Variants in FLT1 observed in about 807,000 individuals in gnomAD.
FLT1 encodes the protein vascular endothelial growth factor receptor 1.
FLT1 carries 49 observed loss-of-function variants against 156.3 expected under a neutral mutation model. The observed-to-expected ratio is 0.31, with a 90% confidence interval of 0.25 to 0.40. The LOEUF (loss-of-function observed/expected upper bound fraction) is 0.40. FLT1 is among the 10% of genes least tolerant of loss of function. FLT1 has a pLI of 1.00. For synonymous variants in FLT1, 594 were observed against 583.8 expected, an observed-to-expected ratio of 1.02 and a Z score of -0.25; for missense variants, 1,322 against 1,637.2, an observed-to-expected ratio of 0.81 and a Z score of 3.32.
chr13:28,322,713 A>G lies in FLT1; in HGVS notation c.2953+77T>C. On this transcript the variant is annotated intron_variant, in intron 21 of 29. Transcript: ENST00000282397. The surrounding 1 kb of genome is among the most constrained non-coding windows in gnomAD (Gnocchi z 4.3). ...ACGGATGTTTATTAGAGTGATAAATAAGAAAAAAATTTCAGAGATGCATAG... is the reference window on the plus strand; with the variant it reads ...ACGGATGTTTATTAGAGTGATAAATGAGAAAAAAATTTCAGAGATGCATAG... 1 of 1,393,302 alleles carries G rather than the reference A, an allele frequency of 7.2e-7. No homozygotes were observed. The highest frequency in any genetic ancestry group is 1.0e-6 in the Non-Finnish European group (1 of 983,128). 86.3% of individuals were successfully genotyped at this position (1,393,302 alleles called of 1,614,324 possible). A position where few individuals can be genotyped will look rare whatever the true frequency, so the allele number is the denominator to read the frequency against.
At chr13:28,382,476 GTGTGTTAGGGTTGAAGAGT>G (rs1565994914) in intron 14 of FLT1, among the ~76,000 whole-genome samples, 3 of 152,226 alleles carry the variant, frequency 2.0e-5, no homozygotes. Flanking sequence ...CTTCATCGAA[GTGTGTTAGGGTTGAAGAGT>G]TGGAGCCGGT....
intron 14 of FLT1, chr13:28,368,612 G>T: frequency 7.1e-7 from 1 of 1,417,964 alleles, no homozygotes. Context: ...TGATGATGAT[G>T]ATGACAATGG....
chr13:28,338,438 C>T (rs1013066129), intron 17 of FLT1, among the ~76,000 whole-genome samples: 3 of 152,176 alleles, frequency 2.0e-5, no homozygotes, highest in Admixed American at 6.5e-5. Flanking sequence ...TGTTTTGTAG[C>T]ACCAGAGGCT....
intron 25 of FLT1, among the ~76,000 whole-genome samples, chr13:28,314,952 A>G (rs9513073): frequency 0.13 from 20,098 of 152,212 alleles, 1,507 homozygotes; most frequent in Middle Eastern, 0.19. Flanking sequence ...TTTGGTCCAA[A>G]GCTGATGTGA....
chr13:28,493,460 T>TA lies in FLT1; in HGVS notation c.64+1319dup, dbSNP rs778897037. Among the ~76,000 whole-genome samples the TA allele has an allele frequency of 1.6e-4, 24 of 152,366 alleles. No individual in the cohort carries two copies. In the East Asian group the frequency reaches 2.7e-3, roughly 17 times the overall value. On this transcript the variant is annotated intron_variant, in intron 1 of 29. Transcript: ENST00000282397. ...GTTACTTGGAAACTGACGGTCTAGT[T>TA]AGTCTTCCCACTGAGAAAGAATATT...
chr13:28,385,031 T>TC lies in FLT1; in HGVS notation c.1970-1dup (p.Asp657GlyfsTer13). On this transcript the variant is annotated frameshift_variant and splice_region_variant. Coordinates refer to ENST00000282397, the MANE Select transcript of FLT1 (RefSeq NM_002019.4). LOFTEE classifies it high-confidence loss of function. ...TCGCAGGAGGTATGGTGCTTCCTGA[T>TC]CTAGTGAAGAAAGAAAGGGAGCTGT... The TC allele has an allele frequency of 6.2e-7, 1 of 1,614,068 alleles. No individual in the cohort carries two copies. Among genetic ancestry groups the TC allele is most frequent in the Non-Finnish European group, 8.5e-7 (1 of 1,179,930 alleles).
chr13:28,415,635 A>G (rs576013839), intron 10 of FLT1, among the ~76,000 whole-genome samples: 199 of 152,222 alleles, frequency 1.3e-3, no homozygotes, highest in Non-Finnish European at 2.2e-3. Flanking sequence ...TATTGAAGAG[A>G]CAAGTCAAAT....
In FLT1 at chr13:28,388,531, A is replaced by G. The variant is rs1400496929; in HGVS notation, c.1969+1265T>C. ...TAAAAACAACAGAACAATGCATATTAAATTGGTGAAAAAGTCATTTTCCCT... is the reference window on the plus strand; with the variant it reads ...TAAAAACAACAGAACAATGCATATTGAATTGGTGAAAAAGTCATTTTCCCT... On this transcript the variant is annotated intron_variant, in intron 13 of 29. Transcript: ENST00000282397. 7 of 1,041,418 alleles carry G rather than the reference A, an allele frequency of 6.7e-6. No homozygotes were observed. The East Asian group carries it at 3.3e-4, about 49-fold the overall frequency. The allele number at this position is 1,041,418 out of a possible 1,614,324, so 64.5% of individuals were successfully genotyped here.
chr13:28,442,318 A>G (rs1357468142), intron 3 of FLT1, among the ~76,000 whole-genome samples: 1 of 152,230 alleles, frequency 6.6e-6, no homozygotes, highest in East Asian at 1.9e-4. Flanking sequence ...TATTTAATTT[A>G]CTGTCTCCTT....
At chr13:28,404,237 T>C (rs9513099) in intron 11 of FLT1, among the ~76,000 whole-genome samples, 12,956 of 152,220 alleles carry the variant, frequency 0.085, 748 homozygotes, top group Non-Finnish European at 0.11. Context: ...TTATAAAAAC[T>C]TCCTAAGTGT....
In FLT1 at chr13:28,420,561, T is replaced by G. The variant is rs150361961; in HGVS notation, c.1436+6598A>C. 1.4e-4 allele frequency among the ~76,000 whole-genome samples: 21 copies of G among 152,348 alleles called. No individual in the cohort carries two copies. In the East Asian group the frequency reaches 3.7e-3, roughly 27 times the overall value. On this transcript the variant is annotated intron_variant, in intron 10 of 29. Coordinates refer to ENST00000282397, the MANE Select transcript of FLT1 (RefSeq NM_002019.4). The stretch of plus-strand genomic sequence containing the variant: ...TTCCAAAAGAAGAGGTCTTAAATTA[T>G]AGCTTCCCTCAGACATCTGACCTAC...
chr13:28,362,471 T>C (rs1247728398), intron 14 of FLT1, among the ~76,000 whole-genome samples: 1 of 152,180 alleles, frequency 6.6e-6, no homozygotes, highest in Non-Finnish European at 1.5e-5. Context: ...ATAATCTCCA[T>C]TGCAGCAGAT....
chr13:28,323,884 C>CT (rs1288418758), intron 20 of FLT1, among the ~76,000 whole-genome samples: 2 of 152,080 alleles, frequency 1.3e-5, no homozygotes, highest in Admixed American at 6.6e-5. Context: ...ATGGACATTG[C>CT]TTTTTTTCTC....
At chr13:28,400,204 A>T (rs1875347922) in intron 11 of FLT1, among the ~76,000 whole-genome samples, 1 of 152,212 alleles carries the variant, frequency 6.6e-6, no homozygotes, top group Non-Finnish European at 1.5e-5. Flanking sequence ...ACTTCCTTTA[A>T]TCCGCAGAGA....
chr13:28,397,500 G>A (rs1293555468), intron 11 of FLT1, among the ~76,000 whole-genome samples: 2 of 152,134 alleles, frequency 1.3e-5, no homozygotes, highest in Non-Finnish European at 2.9e-5. Flanking sequence ...TCTGCTGTTT[G>A]GTTCTATAAC....
At chr13:28,488,113 T>A (rs1881265843) in intron 1 of FLT1, among the ~76,000 whole-genome samples, 2 of 151,790 alleles carry the variant, frequency 1.3e-5, no homozygotes, top group Non-Finnish European at 2.9e-5. Context: ...GAAGAGGAAA[T>A]GGGACCAGGC....
Position 28,302,882 on chromosome 13 carries a change from C to A in FLT1, c.*285G>T. 1 of 465,858 alleles carries A rather than the reference C, an allele frequency of 2.1e-6. No individual in the cohort carries two copies. The highest frequency in any genetic ancestry group is 2.3e-5 in the South Asian group (1 of 43,608). 28.9% of individuals were successfully genotyped at this position (465,858 alleles called of 1,614,324 possible). A position where few individuals can be genotyped will look rare whatever the true frequency, so the allele number is the denominator to read the frequency against. ...ACTGGTCCTGCGTGCCCTGAGGTGG[C>A]GGGGGTTGGAGCAGGGAAGTCATTG... is the stretch of plus-strand genomic sequence containing the variant. On this transcript the variant is annotated 3_prime_UTR_variant, in exon 30 of 30. Transcript: ENST00000282397.
chr13:28,337,732 T>C (rs1360060585), intron 17 of FLT1, among the ~76,000 whole-genome samples: 2 of 152,176 alleles, frequency 1.3e-5, no homozygotes, highest in East Asian at 3.8e-4. Context: ...GGAATTCTGG[T>C]AGAAGGATTA....
rs2138799479 is a variant in FLT1 at position 28,301,639 on chromosome 13, AG to A, written c.*1527del. On this transcript the variant is annotated 3_prime_UTR_variant, in exon 30 of 30. Transcript: ENST00000282397. ...TCTCCAGCTTCTGACTGGCTGCAGAAGGTGCAGACATCATAAATACATAGAC... is the reference window on the plus strand; with the variant it reads ...TCTCCAGCTTCTGACTGGCTGCAGAAGTGCAGACATCATAAATACATAGAC... 4.3e-6 allele frequency: 1 copy of A among 233,336 alleles called. No individual in the cohort carries two copies. The highest frequency in any genetic ancestry group is 1.8e-4 in the South Asian group (1 of 5,530). 14.5% of individuals were successfully genotyped at this position (233,336 alleles called of 1,614,324 possible). A position where few individuals can be genotyped will look rare whatever the true frequency, so the allele number is the denominator to read the frequency against.
Sources: gnomAD v4.1 joint callset for allele counts (sites outside exome capture counted in the v4.1 genomes callset) on GRCh38, gnomAD v4.1.1 for gene constraint, Gnocchi (gnomAD v3.1) non-coding constraint, MANE v1.5 for transcripts, NCBI Gene and HGNC (gene_info 2026-07-23, HGNC 2026-07-21) for gene names.